The following CADPS variants were observed in gnomAD, a reference collection of about 807,000 sequenced individuals.
CADPS encodes the protein calcium dependent secretion activator, also known as calcium-dependent secretion activator 1.
A neutral mutation model predicts 167.3 loss-of-function variants in CADPS; 57 were observed. That is an observed-to-expected ratio of 0.34 (90% confidence interval 0.28 to 0.42). The LOEUF (loss-of-function observed/expected upper bound fraction) is 0.42, where lower values mean the gene tolerates loss of function less well. CADPS is among the 20% of genes least tolerant of loss of function. CADPS has a pLI of 1.00. For synonymous variants in CADPS, 676 were observed against 635.3 expected (o/e 1.06, Z -0.96); for missense variants, 1,414 against 1,738.1 (o/e 0.81, Z 3.32).
intron 3 of CADPS, among the ~76,000 whole-genome samples, chr3:62,686,242 T>C (rs1426686760): frequency 1.3e-5 from 2 of 151,980 alleles, no homozygotes; most frequent in Non-Finnish European, 2.9e-5. Context: ...CAGAAGAACA[T>C]TTTCGTTTTC....
intron 1 of CADPS, among the ~76,000 whole-genome samples, chr3:62,863,048 C>T (rs1428772746): frequency 6.6e-6 from 1 of 152,144 alleles, no homozygotes; most frequent in African/African-American, 2.4e-5. Flanking sequence ...TAGTTATGAA[C>T]CAACAATCAT....
intron 1 of CADPS, among the ~76,000 whole-genome samples, chr3:62,852,027 A>G (rs975396861): frequency 1.4e-4 from 20 of 145,632 alleles, no homozygotes; most frequent in Non-Finnish European, 2.7e-4. Flanking sequence ...CATTCATTTC[A>G]TCTTCCATTG....
At chr3:62,403,287 G>T in intron 28 of CADPS, 102 bp from the exon 29 acceptor site, 1 of 734,078 alleles carries the variant, frequency 1.4e-6, no homozygotes, top group Non-Finnish European at 2.4e-6. Context: ...GTTCCAGGAG[G>T]AAACAAAATG....
chr3:62,647,582 C>T lies in CADPS; in HGVS notation c.1204-1739G>A, dbSNP rs186272938. On this transcript the variant is annotated intron_variant, in intron 5 of 29. Transcript: ENST00000383710. Reference sequence around the variant, plus strand: ...CTTTCAAATCTCCAGGGCCTGTTTCCTGATCTGTAAAGTGGGAATAAAAAT... The same window carrying T: ...CTTTCAAATCTCCAGGGCCTGTTTCTTGATCTGTAAAGTGGGAATAAAAAT... 1.8e-4 allele frequency among the ~76,000 whole-genome samples: 27 copies of T among 152,276 alleles called. No homozygotes were observed. The East Asian group carries it at 4.6e-3, about 26-fold the overall frequency.
intron 8 of CADPS, among the ~76,000 whole-genome samples, chr3:62,580,373 C>T (rs1414731112): frequency 2.6e-5 from 4 of 151,778 alleles, no homozygotes; most frequent in East Asian, 1.9e-4. Context: ...ACTCATAGAT[C>T]GGAATTGAAC....
In CADPS at chr3:62,602,714, G is replaced by C. The variant is rs1443797854; in HGVS notation, c.1326-9966C>G. On this transcript the variant is annotated intron_variant, in intron 6 of 29. Coordinates refer to ENST00000383710, the MANE Select transcript of CADPS (RefSeq NM_003716.4). The surrounding 1 kb of genome is among the most constrained non-coding windows in gnomAD (Gnocchi z 4.4). ...GAAATTGGGCTGTCTGGGAGGCAGA[G>C]ATGAAGGCTTTGGTTTGCCTCCTTG... Among the ~76,000 whole-genome samples the C allele has an allele frequency of 6.6e-6, 1 of 152,182 alleles. No individual in the cohort carries two copies. The highest frequency in any genetic ancestry group is 1.5e-5 in the Non-Finnish European group (1 of 68,032).
intron 28 of CADPS, among the ~76,000 whole-genome samples, chr3:62,426,542 T>G (rs2149512847): frequency 6.6e-6 from 1 of 152,290 alleles, no homozygotes; most frequent in Non-Finnish European, 1.5e-5. Context: ...TGCACTGTGG[T>G]TTGTGCTTTA....
At chr3:62,517,708 G>A (rs181231045) in intron 14 of CADPS, among the ~76,000 whole-genome samples, 1 of 152,122 alleles carries the variant, frequency 6.6e-6, no homozygotes, top group East Asian at 1.9e-4. Context: ...ATCCACCCAG[G>A]CTGATGCAAG....
chr3:62,623,852 G>T (rs770353406), intron 6 of CADPS, among the ~76,000 whole-genome samples: 8 of 151,994 alleles, frequency 5.3e-5, no homozygotes, highest in Admixed American at 4.6e-4. Flanking sequence ...TAAATAAAAA[G>T]AATTCTTGGC....
chr3:62,577,950 A>G (rs2082617363), intron 8 of CADPS, among the ~76,000 whole-genome samples: 1 of 152,244 alleles, frequency 6.6e-6, no homozygotes, highest in South Asian at 2.1e-4. Flanking sequence ...AACAAAGATC[A>G]GATAGGACAA....
chr3:62,489,169 T>G (rs1451528634), intron 21 of CADPS, among the ~76,000 whole-genome samples: 1 of 150,752 alleles, frequency 6.6e-6, no homozygotes, highest in Admixed American at 6.6e-5. Context: ...CTTTTATTAT[T>G]TTTTTTTTTG....
intron 1 of CADPS, among the ~76,000 whole-genome samples, chr3:62,841,674 C>T (rs1364016286): frequency 6.6e-6 from 1 of 152,182 alleles, no homozygotes; most frequent in African/African-American, 2.4e-5. Flanking sequence ...GCACTTCAGC[C>T]TGGGTGACAA....
intron 4 of CADPS, among the ~76,000 whole-genome samples, chr3:62,661,209 T>C (rs2073124737): frequency 6.6e-6 from 1 of 152,154 alleles, no homozygotes; most frequent in South Asian, 2.1e-4. Flanking sequence ...AGGAGTTCTA[T>C]ATACTGGGAG....
intron 1 of CADPS, among the ~76,000 whole-genome samples, chr3:62,836,053 C>T (rs1360269780): frequency 1.3e-5 from 2 of 151,878 alleles, no homozygotes; most frequent in Non-Finnish European, 2.9e-5. Context: ...TGTTGAGCAC[C>T]CTCTGGTTAA....
chr3:62,860,886 T>G (rs1028313314), intron 1 of CADPS, among the ~76,000 whole-genome samples: 9 of 152,202 alleles, frequency 5.9e-5, no homozygotes, highest in African/African-American at 1.9e-4. Context: ...GGCAGGGAGC[T>G]TGAACGTTCC....
At chr3:62,642,803 A>C (rs575392272) in intron 6 of CADPS, among the ~76,000 whole-genome samples, 3 of 152,164 alleles carry the variant, frequency 2.0e-5, no homozygotes, top group Admixed American at 2.0e-4. Flanking sequence ...CCAGCTACTC[A>C]GGAGACTGAG....
intron 6 of CADPS, among the ~76,000 whole-genome samples, chr3:62,605,493 G>T (rs982818044): frequency 6.6e-6 from 1 of 152,106 alleles, no homozygotes; most frequent in African/African-American, 2.4e-5. Flanking sequence ...TACCTTATAG[G>T]GTTTCTAATC....
intron 9 of CADPS, among the ~76,000 whole-genome samples, chr3:62,569,377 C>T (rs971938066): frequency 1.3e-5 from 2 of 152,222 alleles, no homozygotes; most frequent in Non-Finnish European, 1.5e-5. Context: ...GCTGGGATTA[C>T]AGGCGTGAGC....
chr3:62,733,843 C>A (rs555273), intron 3 of CADPS, among the ~76,000 whole-genome samples: 34,230 of 151,972 alleles, frequency 0.23, 4,119 homozygotes, highest in African/African-American at 0.3. Flanking sequence ...CTTACCCCAA[C>A]TCCTACCCTT....
Sources: gnomAD v4.1 joint callset for allele counts (sites outside exome capture counted in the v4.1 genomes callset) on GRCh38, gnomAD v4.1.1 for gene constraint, Gnocchi (gnomAD v3.1) non-coding constraint, MANE v1.5 for transcripts, NCBI Gene and HGNC (gene_info 2026-07-23, HGNC 2026-07-21) for gene names.